The following STK32B variants were observed in gnomAD, a reference collection of about 807,000 sequenced individuals.
STK32B encodes serine/threonine kinase 32B.
A neutral mutation model predicts 52.6 loss-of-function variants in STK32B; 43 were observed. The ratio of observed to expected loss-of-function variants is 0.82; its 90% CI spans 0.64 to 1.05. The LOEUF (loss-of-function observed/expected upper bound fraction) is 1.05. STK32B is among the 50% of genes least tolerant of loss of function. The pLI is 0.00. For missense variants in STK32B, 621 were observed against 534.6 expected (o/e 1.16, Z -1.59); for synonymous variants, 238 against 204.3 (o/e 1.17, Z -1.41).
At chr4:5,191,493 A>G (rs1256531933) in intron 3 of STK32B, among the ~76,000 whole-genome samples, 1 of 151,798 alleles carries the variant, frequency 6.6e-6, no homozygotes, top group Non-Finnish European at 1.5e-5. Flanking sequence ...TGACCTCGTG[A>G]TCTGCCCACC....
At chr4:5,156,145 C>T (rs1005820949) in intron 2 of STK32B, among the ~76,000 whole-genome samples, 4 of 151,506 alleles carry the variant, frequency 2.6e-5, no homozygotes, top group South Asian at 4.2e-4. Flanking sequence ...TATACACACT[C>T]ATATGTATAT....
chr4:5,293,107 C>G lies in STK32B; in HGVS notation c.261-38113C>G, dbSNP rs547177801. On this transcript the variant is annotated intron_variant, in intron 3 of 11. Coordinates refer to ENST00000282908, the MANE Select transcript of STK32B (RefSeq NM_018401.3). ...GTTTCCAGCTTCATCCGTGTCCCTG[C>G]AAAAGACATTAACTCATTCTTTTTT... Among the ~76,000 whole-genome samples, 82 of 152,156 alleles carry G rather than the reference C, an allele frequency of 5.4e-4. 1 individual carries two copies. The highest frequency in any genetic ancestry group is 1.6e-3 in the Admixed American group (25 of 15,272).
chr4:5,221,377 T>G (rs1259039524), intron 3 of STK32B, among the ~76,000 whole-genome samples: 1 of 152,192 alleles, frequency 6.6e-6, no homozygotes, highest in African/African-American at 2.4e-5. Context: ...GCCAAATTCC[T>G]ATAGGATATA....
chr4:5,309,985 G>T (rs2108908722), intron 3 of STK32B, among the ~76,000 whole-genome samples: 1 of 152,222 alleles, frequency 6.6e-6, no homozygotes, highest in South Asian at 2.1e-4. Flanking sequence ...GGCCAGCATG[G>T]TGAAACCTCA....
intron 9 of STK32B, among the ~76,000 whole-genome samples, chr4:5,466,393 G>A (rs1361698548): frequency 2.6e-5 from 4 of 152,126 alleles, no homozygotes; most frequent in Admixed American, 2.6e-4. Flanking sequence ...AATAATAAGT[G>A]AAAAAATCAG....
intron 6 of STK32B, among the ~76,000 whole-genome samples, chr4:5,427,787 C>G (rs1167090898): frequency 6.6e-6 from 1 of 152,062 alleles, no homozygotes; most frequent in African/African-American, 2.4e-5. Flanking sequence ...TGTTTTCTCT[C>G]TGGTTTTCCT....
At chr4:5,197,457 G>T (rs980583188) in intron 3 of STK32B, among the ~76,000 whole-genome samples, 1 of 152,222 alleles carries the variant, frequency 6.6e-6, no homozygotes, top group Non-Finnish European at 1.5e-5. Context: ...CAGTCCTTCA[G>T]TCTGTTCCTC....
intron 3 of STK32B, among the ~76,000 whole-genome samples, chr4:5,232,837 CCTT>C (rs1483541480): frequency 6.6e-6 from 1 of 152,144 alleles, no homozygotes; most frequent in Non-Finnish European, 1.5e-5. Context: ...GTTTATACCT[CCTT>C]CTGTTTGGGA....
At chr4:5,421,216 A>T (rs905318296) in intron 6 of STK32B, among the ~76,000 whole-genome samples, 1 of 152,050 alleles carries the variant, frequency 6.6e-6, no homozygotes, top group Non-Finnish European at 1.5e-5. Context: ...TAGCCTCCCA[A>T]GTAGCTGGGA....
At position 5,484,490 on chromosome 4, in the gene STK32B, G is replaced by A. The variant is rs559984988; in HGVS notation, c.1107-14455G>A. Among the ~76,000 whole-genome samples, 18 of 152,208 alleles carry A rather than the reference G, an allele frequency of 1.2e-4. No homozygotes were observed. The South Asian group carries it at 2.3e-3, about 19-fold the overall frequency. Reference sequence around the variant, plus strand: ...TTTGAGCCTATGTGTGTCTCTGCACGTGAGATGGGTTTCCTGAATACAGCA... The same window carrying A: ...TTTGAGCCTATGTGTGTCTCTGCACATGAGATGGGTTTCCTGAATACAGCA... On this transcript the variant is annotated intron_variant, in intron 11 of 11. Coordinates refer to ENST00000282908, the MANE Select transcript of STK32B (RefSeq NM_018401.3).
chr4:5,106,534 A>T (rs1449719905), intron 1 of STK32B, among the ~76,000 whole-genome samples: 1 of 152,176 alleles, frequency 6.6e-6, no homozygotes. Context: ...TGTGAAATAG[A>T]GGTCTTTATC....
intron 1 of STK32B, among the ~76,000 whole-genome samples, chr4:5,122,520 C>G (rs1715111703): frequency 6.6e-6 from 1 of 152,014 alleles, no homozygotes; most frequent in African/African-American, 2.4e-5. Context: ...CATTCATTCA[C>G]TTGCTCCTTC....
At position 5,398,310 on chromosome 4, in the gene STK32B, C is replaced by T. The variant is rs896947624; in HGVS notation, c.472+66C>T. 5.1e-5 allele frequency: 80 copies of T among 1,563,030 alleles called. No individual in the cohort carries two copies. The highest frequency in any genetic ancestry group is 8.2e-5 in the African/African-American group (6 of 73,618). On this transcript the variant is annotated intron_variant, in intron 5 of 11. Transcript: ENST00000282908. The surrounding 1 kb of genome is among the most constrained non-coding windows in gnomAD (Gnocchi z 4.9). ...AAGTTTGAGGCACTGGGAAATAGTG[C>T]GGGGGTGGGGGTTGGGTCTTGCTGA...
chr4:5,389,532 T>TCC (rs1273186371), intron 4 of STK32B, among the ~76,000 whole-genome samples: 2 of 152,176 alleles, frequency 1.3e-5, no homozygotes, highest in African/African-American at 2.4e-5. Context: ...CCTCTTCTTA[T>TCC]AAGGACACCA....
chr4:5,384,449 G>T (rs997677299), intron 4 of STK32B, among the ~76,000 whole-genome samples: 3 of 152,108 alleles, frequency 2.0e-5, no homozygotes, highest in African/African-American at 7.2e-5. Context: ...CCTCTAAAAT[G>T]GAGAATGAAT....
At chr4:5,093,818 T>G (rs1713234890) in intron 1 of STK32B, among the ~76,000 whole-genome samples, 1 of 152,200 alleles carries the variant, frequency 6.6e-6, no homozygotes, top group South Asian at 2.1e-4. Context: ...CTGGAATATT[T>G]TTCATCATGT....
At chr4:5,184,596 G>A (rs1022273039) in intron 3 of STK32B, among the ~76,000 whole-genome samples, 3 of 150,322 alleles carry the variant, frequency 2.0e-5, no homozygotes, top group African/African-American at 7.3e-5. Context: ...GCTGAGGCAG[G>A]AGAATTGCTT....
At chr4:5,186,561 G>A (rs1446930755) in intron 3 of STK32B, among the ~76,000 whole-genome samples, 3 of 152,100 alleles carry the variant, frequency 2.0e-5, no homozygotes, top group African/African-American at 7.2e-5. Flanking sequence ...GTGCTTTGGT[G>A]TCCTGGGTTA....
At chr4:5,232,317 C>T (rs1006342778) in intron 3 of STK32B, among the ~76,000 whole-genome samples, 4 of 152,076 alleles carry the variant, frequency 2.6e-5, no homozygotes, top group Non-Finnish European at 5.9e-5. Context: ...GATCTAAGAG[C>T]ATGGCAAAGT....
Sources: allele counts gnomAD v4.1 joint callset (sites outside exome capture counted in the v4.1 genomes callset), GRCh38; gene constraint gnomAD v4.1.1; non-coding constraint Gnocchi (gnomAD v3.1); transcripts MANE v1.5; gene names NCBI Gene and HGNC (gene_info 2026-07-23, HGNC 2026-07-21).